GAB2: variants seen among roughly 807,000 people sequenced by gnomAD.
The protein encoded by GAB2 is GRB2-associated-binding protein 2.
Under a neutral mutation model 65.5 loss-of-function variants are expected in GAB2, and 26 were observed. The ratio of observed to expected loss-of-function variants is 0.40; its 90% confidence interval spans 0.29 to 0.55. The LOEUF is 0.55. GAB2 is among the 20% of genes least tolerant of loss of function. The probability of loss-of-function intolerance (pLI) is 0.53; values close to 1 mark genes in which losing one functional copy is unlikely to be tolerated. For missense variants in GAB2, 884 were observed against 875.8 expected, an observed-to-expected ratio of 1.01 and a Z score of -0.12; for synonymous variants, 321 against 329.6, an observed-to-expected ratio of 0.97 and a Z score of 0.28.
In GAB2 at chr11:78,383,759, A is replaced by G. The variant is rs114682315; in HGVS notation, c.75+33887T>C. On this transcript the variant is annotated intron_variant, in intron 1 of 9. Transcript: ENST00000361507. ...GGCAACAGAGCCAGACCGTGTCTCA[A>G]TTAATTAAATGAATGGCCACAGACC... Among the ~76,000 whole-genome samples the G allele has an allele frequency of 9.2e-3, 1,401 of 152,102 alleles. 25 individuals are homozygous for G. The highest frequency in any genetic ancestry group is 0.032 in the African/African-American group (1,330 of 41,488).
chr11:78,243,802 C>A (rs952830127), intron 3 of GAB2, among the ~76,000 whole-genome samples: 14 of 152,148 alleles, frequency 9.2e-5, no homozygotes, highest in Non-Finnish European at 1.8e-4. Context: ...TGAGATCGCG[C>A]CACTGCACTC....
At chr11:78,345,014 C>T (rs891390151) in intron 1 of GAB2, among the ~76,000 whole-genome samples, 5 of 152,098 alleles carry the variant, frequency 3.3e-5, no homozygotes, top group Non-Finnish European at 4.4e-5. Flanking sequence ...CTGTGGCACA[C>T]GCCTGTAATC....
chr11:78,244,301 A>G (rs928820229), intron 3 of GAB2, among the ~76,000 whole-genome samples: 1 of 152,098 alleles, frequency 6.6e-6, no homozygotes, highest in Non-Finnish European at 1.5e-5. Flanking sequence ...CTAAGCCAGG[A>G]GAGTCATTTG....
intron 3 of GAB2, among the ~76,000 whole-genome samples, chr11:78,238,571 C>CT (rs1457088193): frequency 7.2e-6 from 1 of 139,678 alleles, no homozygotes; most frequent in African/African-American, 2.8e-5. Context: ...AACTGGAAAA[C>CT]TAAGTCAACC....
At chr11:78,316,807 G>A (rs1855616662) in intron 1 of GAB2, among the ~76,000 whole-genome samples, 1 of 152,126 alleles carries the variant, frequency 6.6e-6, no homozygotes, top group Non-Finnish European at 1.5e-5. Flanking sequence ...AAAACTGAAA[G>A]CAGGAACACA....
At position 78,417,756 on chromosome 11, in the gene GAB2, A is replaced by ACGAGGG. The variant is rs777864199; in HGVS notation, c.-42_-37dup. 1.5e-4 allele frequency: 170 copies of ACGAGGG among 1,150,300 alleles called. No homozygotes were observed. Among genetic ancestry groups the ACGAGGG allele is most frequent in the Non-Finnish European group, 1.7e-4 (158 of 918,336 alleles). The allele number at this position is 1,150,300 out of a possible 1,614,324, so 71.3% of individuals were successfully genotyped here. On this transcript the variant is annotated 5_prime_UTR_variant, in exon 1 of 10. Coordinates refer to ENST00000361507, the MANE Select transcript of GAB2 (RefSeq NM_080491.3). ...TGGAGCCCCCCGCCGGGTCGCGCGG[A>ACGAGGG]CGAGGGCGCGGGCTCGGGCAGCTGG...
intron 1 of GAB2, among the ~76,000 whole-genome samples, chr11:78,358,123 G>T (rs547092837): frequency 4.6e-5 from 7 of 151,968 alleles, no homozygotes; most frequent in African/African-American, 9.7e-5. Flanking sequence ...CCATAAAAAA[G>T]GATGAGTTCA....
chr11:78,223,690 C>A lies in GAB2; in HGVS notation c.1303-14G>T, dbSNP rs771828289. ...CATTTTCCCTGGCTAGGGAGAGGAA[C>A]AGTGAAAGAAATACAGCTGTTACTA... On this transcript the variant is annotated splice_polypyrimidine_tract_variant and intron_variant, in intron 5 of 9. Transcript: ENST00000361507. 9 of 1,571,316 alleles carry A rather than the reference C, an allele frequency of 5.7e-6. No individual in the cohort carries two copies. Among genetic ancestry groups the A allele is most frequent in the Non-Finnish European group, 7.8e-6 (9 of 1,157,512 alleles).
intron 1 of GAB2, among the ~76,000 whole-genome samples, chr11:78,289,814 C>CTTTTTTT (rs56926225): frequency 1.2e-5 from 1 of 83,622 alleles, no homozygotes; most frequent in African/African-American, 4.8e-5. Context: ...AGAACAGGAC[C>CTTTTTTT]TTTTTTTTTT....
intron 2 of GAB2, among the ~76,000 whole-genome samples, chr11:78,257,046 C>G (rs111587109): frequency 0.013 from 1,962 of 151,862 alleles, 33 homozygotes; most frequent in African/African-American, 0.045. Context: ...TTTTTAGGGC[C>G]CTACAGAATC....
chr11:78,402,318 C>G (rs932026766), intron 1 of GAB2, among the ~76,000 whole-genome samples: 1 of 152,032 alleles, frequency 6.6e-6, no homozygotes, highest in Non-Finnish European at 1.5e-5. Flanking sequence ...CTCTAGGAAG[C>G]CTTTGCTTTT....
chr11:78,235,004 T>C (rs1448697725), intron 3 of GAB2, among the ~76,000 whole-genome samples: 2 of 151,940 alleles, frequency 1.3e-5, no homozygotes, highest in Non-Finnish European at 2.9e-5. Flanking sequence ...AGCGACAGAC[T>C]TTCTCCTCCC....
At chr11:78,278,542 T>C (rs1206434045) in intron 2 of GAB2, among the ~76,000 whole-genome samples, 2 of 149,922 alleles carry the variant, frequency 1.3e-5, no homozygotes, top group Admixed American at 1.3e-4. Context: ...CACCACAGCC[T>C]AATTTTTGTA....
rs142126617 is a variant in GAB2, at chr11:78,341,159, T to C, written c.76-60258A>G. 4.3e-3 allele frequency among the ~76,000 whole-genome samples: 657 copies of C among 152,370 alleles called. 2 individuals are homozygous for C. The highest frequency in any genetic ancestry group is 0.015 in the African/African-American group (621 of 41,592). On this transcript the variant is annotated intron_variant, in intron 1 of 9. Coordinates refer to ENST00000361507, the MANE Select transcript of GAB2 (RefSeq NM_080491.3). ...CCCCATGACTTTATTCTTGAGTCTA[T>C]GGTTTCACATCTCTCATCCAATAAA... is the stretch of plus-strand genomic sequence containing the variant.
chr11:78,404,415 C>T (rs958017191), intron 1 of GAB2, among the ~76,000 whole-genome samples: 1 of 152,130 alleles, frequency 6.6e-6, no homozygotes, highest in Non-Finnish European at 1.5e-5. Context: ...GGCCGGGTGG[C>T]GCATGTCTGT....
chr11:78,225,493 C>T (rs1292512600), intron 4 of GAB2, among the ~76,000 whole-genome samples: 1 of 152,234 alleles, frequency 6.6e-6, no homozygotes, highest in Non-Finnish European at 1.5e-5. Flanking sequence ...GTCCTGCTCA[C>T]CCCAGCCATC....
At chr11:78,316,334 G>C (rs1855604686) in intron 1 of GAB2, among the ~76,000 whole-genome samples, 1 of 152,090 alleles carries the variant, frequency 6.6e-6, no homozygotes, top group African/African-American at 2.4e-5. Context: ...TATGAAATAT[G>C]TATAAACTCC....
rs372922865 is a variant in GAB2, at chr11:78,417,691, G to A, written c.30C>T (p.Thr10=). 6.4e-5 allele frequency: 88 copies of A among 1,370,728 alleles called. No individual in the cohort carries two copies. The African/African-American group carries it at 1.2e-3, about 18-fold the overall frequency. 84.9% of individuals were successfully genotyped at this position (1,370,728 alleles called of 1,614,324 possible). Residue 10 remains threonine (T), a synonymous_variant, in exon 1 of 10, where the codon ACC becomes ACT. Transcript: ENST00000361507. MSGGGDVVC[T]GWLRKSPPEK... ...CGGGAGGCGATTTCCTCAGCCAGCC[G>A]GTGCACACCACGTCGCCGCCGCCGC...
At chr11:78,323,191 A>G (rs1855758950) in intron 1 of GAB2, among the ~76,000 whole-genome samples, 1 of 152,176 alleles carries the variant, frequency 6.6e-6, no homozygotes, top group African/African-American at 2.4e-5. Flanking sequence ...GCTGGAGGTC[A>G]TTATTCTAAG....
Sources: gnomAD v4.1 joint callset for allele counts (sites outside exome capture counted in the v4.1 genomes callset) on GRCh38, gnomAD v4.1.1 for gene constraint, MANE v1.5 for transcripts, NCBI Gene and HGNC (gene_info 2026-07-23, HGNC 2026-07-21) for gene names.